The following RPRD1A variants were observed in gnomAD, a reference collection of about 807,000 sequenced individuals.
The protein encoded by RPRD1A is regulation of nuclear pre-mRNA domain-containing protein 1A.
A neutral mutation model predicts 37.8 loss-of-function variants in RPRD1A; 9 were observed. The observed-to-expected ratio is 0.24, with a 90% CI of 0.14 to 0.42. The LOEUF is 0.42. RPRD1A is among the 10% of genes least tolerant of loss of function. The probability of loss-of-function intolerance (pLI) is 1.00; values close to 1 mark genes in which losing one functional copy is unlikely to be tolerated. For synonymous variants in RPRD1A, 138 were observed against 139.7 expected (o/e 0.99, Z 0.08); for missense variants, 255 against 371.0 (o/e 0.69, Z 2.57).
intron 6 of RPRD1A, among the ~76,000 whole-genome samples, chr18:35,995,557 T>G (rs1908997954): frequency 6.6e-6 from 1 of 152,168 alleles, no homozygotes; most frequent in Non-Finnish European, 1.5e-5. Context: ...CATGAGCCAC[T>G]GTGCCCGGCC....
At chr18:35,996,617 C>T (rs755379523) in intron 6 of RPRD1A, among the ~76,000 whole-genome samples, 4 of 152,096 alleles carry the variant, frequency 2.6e-5, no homozygotes, top group African/African-American at 9.7e-5. Flanking sequence ...CAAAAAGATA[C>T]AACCAAAAAC....
intron 1 of RPRD1A, among the ~76,000 whole-genome samples, chr18:36,046,510 G>A (rs529981836): frequency 6.6e-6 from 1 of 152,170 alleles, no homozygotes; most frequent in South Asian, 2.1e-4. Flanking sequence ...GGCAGTGTCA[G>A]AGAAACCCAG....
chr18:36,007,124 T>A (rs1170688909), intron 6 of RPRD1A, among the ~76,000 whole-genome samples: 1 of 152,242 alleles, frequency 6.6e-6, no homozygotes. Flanking sequence ...CATTTACAAG[T>A]GTACTGTGAA....
rs1359543093 is a variant in RPRD1A at position 36,008,571 on chromosome 18, G to GTATATA, written c.790-15272_790-15271insTATATA. On this transcript the variant is annotated intron_variant, in intron 6 of 6. Transcript: ENST00000399022. ...AGCCTGGGCGACACAGCAAGACCTTGTGTGTGTATATATATATATCTTTAA... is the reference window on the plus strand; with the variant it reads ...AGCCTGGGCGACACAGCAAGACCTTGTATATATGTGTGTATATATATATATCTTTAA... Among the ~76,000 whole-genome samples the GTATATA allele has an allele frequency of 7.5e-4, 21 of 27,910 alleles. 1 individual carries two copies. The highest frequency in any genetic ancestry group is 3.3e-3 in the African/African-American group (19 of 5,794). 18.3% of individuals were successfully genotyped at this position (27,910 alleles called of 152,430 possible).
intron 1 of RPRD1A, among the ~76,000 whole-genome samples, chr18:36,058,994 A>G (rs1271465818): frequency 1.3e-5 from 2 of 152,174 alleles, no homozygotes; most frequent in Non-Finnish European, 2.9e-5. Context: ...TTTAGCAAAT[A>G]TAATTGGTTT....
At chr18:36,026,821 C>G (rs1911400978) in intron 6 of RPRD1A, 79 bp downstream of exon 6, 1 of 1,369,762 alleles carries the variant, frequency 7.3e-7, no homozygotes, top group Non-Finnish European at 9.9e-7. Context: ...AAAATGTGCA[C>G]ATAGATTAAA....
intron 6 of RPRD1A, among the ~76,000 whole-genome samples, chr18:36,008,928 G>A (rs539740785): frequency 4.5e-4 from 68 of 152,150 alleles, no homozygotes; most frequent in African/African-American, 1.6e-3. Flanking sequence ...CTGATAAGAA[G>A]TGAAGATACT....
intron 4 of RPRD1A, 151 bp from the exon 5 acceptor site, chr18:36,027,461 T>C (rs961757346): frequency 5.2e-6 from 4 of 763,960 alleles, no homozygotes; most frequent in Non-Finnish European, 8.3e-6. Context: ...TTCTTTCATA[T>C]GTTAAGAAAA....
chr18:35,991,754 A>G lies in RPRD1A; in HGVS notation c.*1397T>C, dbSNP rs752798093. 6.6e-6 allele frequency: 1 copy of G among 152,186 alleles called. No homozygotes were observed. The highest frequency in any genetic ancestry group is 1.5e-5 in the Non-Finnish European group (1 of 68,022). 9.4% of individuals were successfully genotyped at this position (152,186 alleles called of 1,614,324 possible). On this transcript the variant is annotated 3_prime_UTR_variant, in exon 7 of 7. Transcript: ENST00000399022. ...CAGAACTACTTGGCTATTAAAAATAAATGTCTGCCTTCTTCATATGCAATT... is the reference window on the plus strand; with the variant it reads ...CAGAACTACTTGGCTATTAAAAATAGATGTCTGCCTTCTTCATATGCAATT...
chr18:36,008,577 G>GTGTGTATATATATA lies in RPRD1A; in HGVS notation c.790-15278_790-15277insTATATATATACACA. ...GGCGACACAGCAAGACCTTGTGTGT[G>GTGTGTATATATATA]TATATATATATATCTTTAAAAATCT... is the stretch of plus-strand genomic sequence containing the variant. On this transcript the variant is annotated intron_variant, in intron 6 of 6. Coordinates refer to ENST00000399022, the MANE Select transcript of RPRD1A (RefSeq NM_018170.5). 2.7e-4 allele frequency among the ~76,000 whole-genome samples: 13 copies of GTGTGTATATATATA among 47,798 alleles called. 3 individuals are homozygous for GTGTGTATATATATA. The highest frequency in any genetic ancestry group is 4.7e-4 in the Non-Finnish European group (11 of 23,528). 31.4% of individuals were successfully genotyped at this position (47,798 alleles called of 152,430 possible). A position where few individuals can be genotyped will look rare whatever the true frequency, so the allele number is the denominator to read the frequency against.
chr18:36,014,766 T>A (rs1229601916), intron 6 of RPRD1A, among the ~76,000 whole-genome samples: 4 of 151,382 alleles, frequency 2.6e-5, no homozygotes, highest in African/African-American at 4.9e-5. Flanking sequence ...AATAAATAAA[T>A]AAAAATAAAA....
intron 4 of RPRD1A, 196 bp from the exon 5 acceptor site, chr18:36,027,506 A>T: frequency 1.8e-6 from 1 of 556,746 alleles, no homozygotes; most frequent in Middle Eastern, 4.9e-4. Context: ...TTGAAAATAT[A>T]AACAGGACAA....
intron 1 of RPRD1A, among the ~76,000 whole-genome samples, 182 bp downstream of exon 1, chr18:36,067,072 A>C (rs1311867218): frequency 2.0e-5 from 3 of 152,194 alleles, no homozygotes; most frequent in Non-Finnish European, 2.9e-5. Context: ...TCCTTTATTC[A>C]ATAAATATCT....
intron 6 of RPRD1A, among the ~76,000 whole-genome samples, chr18:36,012,063 T>C (rs1179951081): frequency 6.6e-6 from 1 of 152,190 alleles, no homozygotes; most frequent in Non-Finnish European, 1.5e-5. Flanking sequence ...CCCCATACAA[T>C]GTGACTGTAT....
At chr18:36,009,960 ATT>A (rs774227195) in intron 6 of RPRD1A, among the ~76,000 whole-genome samples, 3 of 151,986 alleles carry the variant, frequency 2.0e-5, no homozygotes, top group African/African-American at 4.8e-5. Context: ...TCTCCATTTC[ATT>A]TCTCTCCCTT....
chr18:35,998,409 T>C (rs1390825323), intron 6 of RPRD1A, among the ~76,000 whole-genome samples: 5 of 152,188 alleles, frequency 3.3e-5, no homozygotes, highest in Admixed American at 3.3e-4. Flanking sequence ...GGTGGCACCA[T>C]GGCATGGGTG....
At chr18:36,017,569 C>CCT (rs1910674557) in intron 6 of RPRD1A, among the ~76,000 whole-genome samples, 5 of 152,222 alleles carry the variant, frequency 3.3e-5, no homozygotes, top group Non-Finnish European at 5.9e-5. Flanking sequence ...CATCTCACTT[C>CCT]TAAGAACTGA....
In RPRD1A at chr18:36,005,338, C is replaced by T. The variant is rs1909683101; in HGVS notation, c.790-12038G>A. Among the ~76,000 whole-genome samples the T allele has an allele frequency of 2.0e-5, 3 of 151,982 alleles. No individual in the cohort carries two copies. The South Asian group carries it at 6.2e-4, about 31-fold the overall frequency. On this transcript the variant is annotated intron_variant, in intron 6 of 6. Transcript: ENST00000399022. ...ATAAAAAAAAACTGCATATTTGCAACTATTTAAAACAAAAAAAGAAAACAT... is the reference window on the plus strand; with the variant it reads ...ATAAAAAAAAACTGCATATTTGCAATTATTTAAAACAAAAAAAGAAAACAT...
chr18:36,062,323 CAAAAAAAAAAAAA>C (rs752980996), intron 1 of RPRD1A, among the ~76,000 whole-genome samples: 6 of 40,632 alleles, frequency 1.5e-4, no homozygotes, highest in African/African-American at 5.9e-4. Flanking sequence ...GACTCCGTCT[CAAAAAAAAAAAAA>C]AAAAAAAAAA....
Sources: gnomAD v4.1 joint callset for allele counts (sites outside exome capture counted in the v4.1 genomes callset) on GRCh38, gnomAD v4.1.1 for gene constraint, MANE v1.5 for transcripts, NCBI Gene and HGNC (gene_info 2026-07-23, HGNC 2026-07-21) for gene names.